Variants in NBEAL1 observed in about 807,000 individuals in gnomAD.
NBEAL1 encodes the protein neurobeachin-like protein 1.
NBEAL1 carries 273 observed loss-of-function variants against 351.3 expected under a neutral mutation model. The observed-to-expected ratio is 0.78, with a 90% CI of 0.70 to 0.86. The LOEUF (loss-of-function observed/expected upper bound fraction) is 0.86, where lower values mean the gene tolerates loss of function less well. NBEAL1 is among the 40% of genes least tolerant of loss of function. NBEAL1 has a pLI of 0.00. For missense variants in NBEAL1, 2,961 were observed against 3,201.3 expected, an observed-to-expected ratio of 0.92 and a Z score of 1.81; for synonymous variants, 1,050 against 1,086.4, an observed-to-expected ratio of 0.97 and a Z score of 0.66.
chr2:203,213,495 T>C (rs1159347285), intron 54 of NBEAL1, 23 bp from the exon 55 acceptor site: 2 of 1,591,986 alleles, frequency 1.3e-6, no homozygotes, highest in Non-Finnish European at 1.7e-6. Flanking sequence ...TAATTATGTC[T>C]GTATTTTTTA....
intron 28 of NBEAL1, 62 bp from the exon 29 acceptor site, chr2:203,136,537 T>G: frequency 8.2e-7 from 1 of 1,218,956 alleles, no homozygotes; most frequent in Non-Finnish European, 1.2e-6. Flanking sequence ...TAATGGTTCT[T>G]ATGATGTGCT....
At chr2:203,071,355 C>T (rs919774694) in intron 7 of NBEAL1, among the ~76,000 whole-genome samples, 7 of 152,152 alleles carry the variant, frequency 4.6e-5, no homozygotes, top group African/African-American at 1.7e-4. Context: ...ACTGTTGTCT[C>T]TTCCTCTTCT....
intron 47 of NBEAL1, 107 bp downstream of exon 47, chr2:203,194,018 G>T: frequency 1.7e-6 from 1 of 585,502 alleles, no homozygotes; most frequent in Non-Finnish European, 2.9e-6. Context: ...TTTAATTCAA[G>T]ATAGTAAATT....
chr2:203,048,691 T>C (rs1364950393), intron 3 of NBEAL1, among the ~76,000 whole-genome samples: 3 of 152,224 alleles, frequency 2.0e-5, no homozygotes, highest in Admixed American at 6.5e-5. Context: ...TTAGTACCCA[T>C]GTCTTTAGAC....
intron 3 of NBEAL1, among the ~76,000 whole-genome samples, chr2:203,047,126 A>G (rs1217202927): frequency 6.6e-6 from 1 of 152,120 alleles, no homozygotes; most frequent in Admixed American, 6.5e-5. Flanking sequence ...AATCCCAGCT[A>G]CTCAGAAGAC....
chr2:203,094,896 C>A (rs1023593913), intron 10 of NBEAL1, among the ~76,000 whole-genome samples: 1 of 152,002 alleles, frequency 6.6e-6, no homozygotes, highest in African/African-American at 2.4e-5. Flanking sequence ...CCAAGGCAGG[C>A]GGATCATCTG....
chr2:203,172,011 A>G lies in NBEAL1; in HGVS notation c.6186A>G (p.Ala2062=). Residue 2062 remains alanine (A), a synonymous_variant, in exon 40 of 56, where the codon GCA becomes GCG. Transcript: ENST00000683969. The stretch of plus-strand genomic sequence containing the variant: ...CAGGACGAACCTATAATGACCTTGC[A>G]CAGTATCCTGTGGTAAGTTTTGCAT... The part of the protein sequence containing the change: ...TMAGRTYNDL[A]QYPVFPWILQ... The G allele has an allele frequency of 1.9e-6, 3 of 1,591,320 alleles. No individual in the cohort carries two copies. Among genetic ancestry groups the G allele is most frequent in the Non-Finnish European group, 8.5e-7 (1 of 1,171,502 alleles).
In NBEAL1 at chr2:203,097,562, A is replaced by C. The variant is rs1470163938; in HGVS notation, c.1114A>C (p.Asn372His). Residue 372 changes from asparagine to histidine, a missense_variant, in exon 11 of 56, where the codon AAC becomes CAC. Transcript: ENST00000683969. ...TTTTTAACAGCTATTTTTAAATGCTAACAATAAGGTGGCAGACAAGAACGA... is the reference window on the plus strand; with the variant it reads ...TTTTTAACAGCTATTTTTAAATGCTCACAATAAGGTGGCAGACAAGAACGA... ...LQNCKLFLNA[N>H]NKVADKNEKD... The C allele has an allele frequency of 3.0e-6, 3 of 985,048 alleles. No individual in the cohort carries two copies. The African/African-American group carries it at 5.2e-5, about 17-fold the overall frequency. 61.0% of individuals were successfully genotyped at this position (985,048 alleles called of 1,614,324 possible).
intron 2 of NBEAL1, among the ~76,000 whole-genome samples, chr2:203,017,705 C>T (rs906708910): frequency 7.9e-5 from 12 of 151,928 alleles, no homozygotes; most frequent in African/African-American, 2.7e-4. Context: ...AATGGGGTTA[C>T]GTGTCTCATT....
At chr2:203,056,003 G>C (rs2061396409) in intron 4 of NBEAL1, among the ~76,000 whole-genome samples, 1 of 152,118 alleles carries the variant, frequency 6.6e-6, no homozygotes, top group African/African-American at 2.4e-5. Flanking sequence ...AATGATTATA[G>C]TGCACATGTT....
rs1306734268 is a variant in NBEAL1 at position 203,138,323 on chromosome 2, A to G, written c.4719+8A>G. On this transcript the variant is annotated splice_region_variant and intron_variant, in intron 30 of 55. Coordinates refer to ENST00000683969, the MANE Select transcript of NBEAL1 (RefSeq NM_001378026.1). ...AACATGTGGACCGAGAAGGTGCAGT[A>G]ATATCTCTTTAAAATTATATTTTGG... is the stretch of plus-strand genomic sequence containing the variant. The G allele has an allele frequency of 6.3e-7, 1 of 1,594,884 alleles. No individual in the cohort carries two copies. The highest frequency in any genetic ancestry group is 8.5e-7 in the Non-Finnish European group (1 of 1,175,244).
intron 3 of NBEAL1, among the ~76,000 whole-genome samples, chr2:203,049,033 G>T (rs974030439): frequency 6.6e-6 from 1 of 151,298 alleles, no homozygotes; most frequent in Non-Finnish European, 1.5e-5. Context: ...TTGAGACAGA[G>T]TCTCACTCTG....
chr2:203,118,647 A>G (rs533896205), intron 18 of NBEAL1, among the ~76,000 whole-genome samples: 1 of 149,908 alleles, frequency 6.7e-6, no homozygotes, highest in Non-Finnish European at 1.5e-5. Flanking sequence ...GCTGGAGTGC[A>G]GTGGCGCAAT....
chr2:203,187,722 G>A (rs1025601230), intron 44 of NBEAL1, among the ~76,000 whole-genome samples: 9 of 149,554 alleles, frequency 6.0e-5, no homozygotes, highest in East Asian at 2.0e-4. Flanking sequence ...CAACCTCAGC[G>A]ACAGAGCGAG....
chr2:203,126,120 G>A (rs1367492942), intron 21 of NBEAL1, 27 bp downstream of exon 21: 2 of 1,513,272 alleles, frequency 1.3e-6, no homozygotes, highest in South Asian at 1.3e-5. Flanking sequence ...TTGTGTTGAT[G>A]TAGCTAATAA....
chr2:203,146,663 C>T (rs533022936), intron 33 of NBEAL1, among the ~76,000 whole-genome samples: 4 of 152,048 alleles, frequency 2.6e-5, no homozygotes, highest in South Asian at 4.2e-4. Flanking sequence ...TGTGGTGGTA[C>T]GCACCTGTAG....
At chr2:203,052,421 A>AC (rs2061339086) in intron 4 of NBEAL1, 3 of 152,426 alleles carry the variant, frequency 2.0e-5, no homozygotes, top group Admixed American at 2.0e-4. Flanking sequence ...ATGAGGCTTA[A>AC]CCACTGATAT....
intron 4 of NBEAL1, among the ~76,000 whole-genome samples, chr2:203,054,282 TG>T (rs1245723475): frequency 2.6e-5 from 4 of 151,880 alleles, no homozygotes; most frequent in East Asian, 1.9e-4. Flanking sequence ...AAAAATTAGC[TG>T]GGAATGGTGC....
Position 203,135,684 on chromosome 2 carries a change from A to G in NBEAL1, c.3821A>G (p.Gln1274Arg), listed in dbSNP as rs771367200. The change falls in exon 28 of 56, where the codon CAA (glutamine) becomes CGA (arginine). Residue 1274 changes from glutamine (Q) to arginine (R), a missense_variant. By Grantham distance (43) the Gln-to-Arg change is conservative. Transcript: ENST00000683969. The stretch of plus-strand genomic sequence containing the variant: ...TTCTAAATCTTTTTACAGGTTTTGC[A>G]AATTTTGCAGTTCCAGCCAGATGCA... ...VRVAICRKVL[Q>R]ILQFQPDAAH... 3.4e-5 allele frequency: 51 copies of G among 1,489,190 alleles called. No homozygotes were observed. Among genetic ancestry groups the G allele is most frequent in the Middle Eastern group, 3.5e-4 (2 of 5,718 alleles). The allele number at this position is 1,489,190 out of a possible 1,614,324, so 92.2% of individuals were successfully genotyped here.
Sources: gnomAD v4.1 joint callset for allele counts (sites outside exome capture counted in the v4.1 genomes callset) on GRCh38, gnomAD v4.1.1 for gene constraint, MANE v1.5 for transcripts, NCBI Gene and HGNC (gene_info 2026-07-23, HGNC 2026-07-21) for gene names.